The following MEI4 variants were observed in gnomAD, a reference collection of about 807,000 sequenced individuals.
MEI4 encodes the protein meiotic double-stranded break formation protein 4, also known as meiosis-specific protein MEI4.
MEI4 carries 27 observed loss-of-function variants against 31.4 expected under a neutral mutation model. The ratio of observed to expected loss-of-function variants is 0.86; its 90% CI spans 0.63 to 1.19. MEI4 has a LOEUF of 1.19. MEI4 is among the 50% of genes most tolerant of loss of function. MEI4 has a pLI of 0.00. For synonymous variants in MEI4, 122 were observed against 145.4 expected (o/e 0.84, Z 1.16); for missense variants, 329 against 398.9 (o/e 0.82, Z 1.49).
At position 77,761,289 on chromosome 6, in the gene MEI4, C is replaced by T. The variant is rs535347410; in HGVS notation, c.392C>T (p.Pro131Leu). Residue 131 changes from proline (P) to leucine (L), a missense_variant, in exon 3 of 5, where the codon CCA (proline) becomes CTA (leucine). Coordinates refer to ENST00000684080, the MANE Select transcript of MEI4 (RefSeq NM_001322247.2). Reference protein sequence around the residue: ...FVESCTPTHFPPLPLVKRPCA... With the variant: ...FVESCTPTHFLPLPLVKRPCA... ...GAAAGCTGTACCCCCACTCACTTTCCACCACTGCCTCTTGTGAAAAGACCT... is the reference window on the plus strand; with the variant it reads ...GAAAGCTGTACCCCCACTCACTTTCTACCACTGCCTCTTGTGAAAAGACCT... The T allele has an allele frequency of 2.4e-6, 3 of 1,232,620 alleles. No homozygotes were observed. Among genetic ancestry groups the T allele is most frequent in the African/African-American group, 1.5e-5 (1 of 64,538 alleles). The allele number at this position is 1,232,620 out of a possible 1,614,324, so 76.4% of individuals were successfully genotyped here. A position where few individuals can be genotyped will look rare whatever the true frequency, so the allele number is the denominator to read the frequency against.
intron 4 of MEI4, among the ~76,000 whole-genome samples, chr6:77,876,228 T>C (rs555320456): frequency 1.2e-4 from 18 of 152,352 alleles, no homozygotes; most frequent in African/African-American, 3.1e-4. Context: ...AATGTTCATG[T>C]GTTAAAAACT....
intron 2 of MEI4, among the ~76,000 whole-genome samples, chr6:77,759,507 C>T (rs1767997443): frequency 6.6e-6 from 1 of 152,124 alleles, no homozygotes; most frequent in South Asian, 2.1e-4. Flanking sequence ...TGTGACTAAA[C>T]CTGAACTTTT....
intron 3 of MEI4, among the ~76,000 whole-genome samples, chr6:77,811,802 A>G (rs571938406): frequency 6.6e-6 from 1 of 151,918 alleles, no homozygotes; most frequent in Non-Finnish European, 1.5e-5. Flanking sequence ...GATACTTTTG[A>G]TACATATTAA....
At chr6:77,716,304 T>C (rs893963086) in intron 2 of MEI4, among the ~76,000 whole-genome samples, 1 of 152,216 alleles carries the variant, frequency 6.6e-6, no homozygotes, top group Non-Finnish European at 1.5e-5. Flanking sequence ...TCAATCAGGA[T>C]AGCTGAGTTT....
chr6:77,893,203 G>T (rs1169899392), intron 4 of MEI4, among the ~76,000 whole-genome samples: 1 of 152,086 alleles, frequency 6.6e-6, no homozygotes, highest in Non-Finnish European at 1.5e-5. Flanking sequence ...CTCCTGCTTT[G>T]TAGAGAAGGT....
intron 2 of MEI4, among the ~76,000 whole-genome samples, chr6:77,699,496 G>C (rs1766156400): frequency 6.6e-6 from 1 of 152,160 alleles, no homozygotes; most frequent in Non-Finnish European, 1.5e-5. Flanking sequence ...CCGGCCCAAA[G>C]TTTCTATCTT....
chr6:77,684,998 T>A (rs1442941445), intron 1 of MEI4, among the ~76,000 whole-genome samples: 1 of 152,164 alleles, frequency 6.6e-6, no homozygotes, highest in Non-Finnish European at 1.5e-5. Flanking sequence ...TTTCTCCACA[T>A]CCTCACCAGC....
chr6:77,769,289 C>A (rs1582122891), intron 3 of MEI4, among the ~76,000 whole-genome samples: 1 of 152,200 alleles, frequency 6.6e-6, no homozygotes, highest in East Asian at 1.9e-4. Context: ...CAGCTTGTGC[C>A]CATAGAGGGA....
chr6:77,746,639 G>A (rs1371017576), intron 2 of MEI4, among the ~76,000 whole-genome samples: 1 of 4,632 alleles, frequency 2.2e-4, no homozygotes, highest in Non-Finnish European at 3.4e-4. Context: ...AATATATGGC[G>A]TGTGTGTGTG....
chr6:77,695,534 T>G (rs1303851723), intron 2 of MEI4, among the ~76,000 whole-genome samples: 2 of 152,242 alleles, frequency 1.3e-5, no homozygotes, highest in Non-Finnish European at 2.9e-5. Context: ...CTTTCCCCAA[T>G]GCTTGTTTTT....
chr6:77,909,655 C>G (rs1300513400), intron 4 of MEI4, among the ~76,000 whole-genome samples: 2 of 152,264 alleles, frequency 1.3e-5, no homozygotes, highest in Admixed American at 1.3e-4. Flanking sequence ...ACCATTCTTT[C>G]TGAAACTATT....
chr6:77,917,307 A>G (rs924295840), intron 4 of MEI4, among the ~76,000 whole-genome samples: 1 of 149,898 alleles, frequency 6.7e-6, no homozygotes, highest in Admixed American at 6.6e-5. Context: ...GGCTGGGTCA[A>G]ATGGTATTTC....
At chr6:77,849,269 T>C (rs1770558604) in intron 4 of MEI4, among the ~76,000 whole-genome samples, 1 of 152,112 alleles carries the variant, frequency 6.6e-6, no homozygotes, top group South Asian at 2.1e-4. Context: ...TTGAAAACAT[T>C]TAAGATAAAA....
chr6:77,879,103 A>C (rs1189322521), intron 4 of MEI4, among the ~76,000 whole-genome samples: 1 of 152,210 alleles, frequency 6.6e-6, no homozygotes, highest in Non-Finnish European at 1.5e-5. Flanking sequence ...AAACATGAGT[A>C]ACCTGAGAAA....
chr6:77,911,330 A>G (rs990717913), intron 4 of MEI4, among the ~76,000 whole-genome samples: 2 of 152,016 alleles, frequency 1.3e-5, no homozygotes, highest in African/African-American at 4.8e-5. Flanking sequence ...TTAGCTTCAC[A>G]GGGTACATAT....
At chr6:77,869,350 A>G (rs1771139806) in intron 4 of MEI4, among the ~76,000 whole-genome samples, 1 of 152,122 alleles carries the variant, frequency 6.6e-6, no homozygotes. Flanking sequence ...ATACTATAGA[A>G]TGTGATCATA....
At chr6:77,679,085 A>T (rs1301826378) in intron 1 of MEI4, among the ~76,000 whole-genome samples, 1 of 152,234 alleles carries the variant, frequency 6.6e-6, no homozygotes, top group African/African-American at 2.4e-5. Context: ...AAGTTAAAAA[A>T]ATCTGAAATG....
intron 3 of MEI4, among the ~76,000 whole-genome samples, chr6:77,826,660 A>G (rs1236679968): frequency 8.5e-5 from 13 of 152,132 alleles, no homozygotes; most frequent in Non-Finnish European, 1.5e-4. Context: ...CTTGTTTTTC[A>G]CTTTAGAGGG....
chr6:77,761,545 A>C lies in MEI4; in HGVS notation c.648A>C (p.Leu216Phe), dbSNP rs1768046206. Reference sequence around the variant, plus strand: ...TTTGGACAGAAGCTGTTGGTACTTTAGCTAGTCTGATCAGTGACTATAACT... The same window carrying C: ...TTTGGACAGAAGCTGTTGGTACTTTCGCTAGTCTGATCAGTGACTATAACT... Reference protein sequence around the residue: ...SRFWTEAVGTLASLISDYNLS... With the variant: ...SRFWTEAVGTFASLISDYNLS... The change falls in exon 3 of 5, where the codon TTA becomes TTC. Residue 216 changes from leucine (L) to phenylalanine (F), a missense_variant. Leu to Phe is a conservative substitution (Grantham distance 22, BLOSUM62 0). Transcript: ENST00000684080. The C allele has an allele frequency of 8.1e-7, 1 of 1,231,978 alleles. No individual in the cohort carries two copies. Among genetic ancestry groups the C allele is most frequent in the African/African-American group, 1.6e-5 (1 of 64,396 alleles). The allele number at this position is 1,231,978 out of a possible 1,614,324, so 76.3% of individuals were successfully genotyped here. A position where few individuals can be genotyped will look rare whatever the true frequency, so the allele number is the denominator to read the frequency against.
Sources: allele counts gnomAD v4.1 joint callset (sites outside exome capture counted in the v4.1 genomes callset), GRCh38; gene constraint gnomAD v4.1.1; transcripts MANE v1.5; gene names NCBI Gene and HGNC (gene_info 2026-07-23, HGNC 2026-07-21).